CCDC30: variants seen among roughly 807,000 people sequenced by gnomAD.
CCDC30 encodes coiled-coil domain-containing protein 30.
In CCDC30, 70 loss-of-function variants were observed where a neutral mutation model predicts 100.2. The observed-to-expected ratio is 0.70, with a 90% confidence interval of 0.58 to 0.85. The LOEUF (loss-of-function observed/expected upper bound fraction) is 0.85, where lower values mean the gene tolerates loss of function less well. Ranked by LOEUF, CCDC30 falls within the 40% of genes least tolerant of loss-of-function variation. The pLI is 0.00. For missense variants in CCDC30, 652 were observed against 771.2 expected, an observed-to-expected ratio of 0.85 and a Z score of 1.83; for synonymous variants, 233 against 269.5, an observed-to-expected ratio of 0.86 and a Z score of 1.33.
chr1:42,479,566 T>TAAAA (rs34698340), intron 1 of CCDC30, among the ~76,000 whole-genome samples: 2 of 135,444 alleles, frequency 1.5e-5, no homozygotes, highest in African/African-American at 2.7e-5. Context: ...GACATATGCT[T>TAAAA]AAAAAAAAAA....
At chr1:42,494,387 A>C (rs57865411) in intron 4 of CCDC30, among the ~76,000 whole-genome samples, 1 of 152,222 alleles carries the variant, frequency 6.6e-6, no homozygotes, top group South Asian at 2.1e-4. Context: ...TGTTAGACCT[A>C]AAACCATAAA....
In CCDC30 at chr1:42,646,246, A is replaced by G. The variant is rs760407858; in HGVS notation, c.1783A>G (p.Asn595Asp). ...CAGCACTGAGGTCTTCACCAGCAAC[A>G]ATGCAGAACTCCAGCATGAGGATGA... Residue 595 changes from asparagine (N) to aspartate (D), a missense_variant, in exon 15 of 17, where the codon AAT becomes GAT. Asn to Asp is a conservative substitution (Grantham distance 23). Transcript: ENST00000668663. 12 of 1,553,536 alleles carry G rather than the reference A, an allele frequency of 7.7e-6. No individual in the cohort carries two copies. The South Asian group carries it at 1.4e-4, about 18-fold the overall frequency.
chr1:42,528,842 C>T (rs1569924716), intron 6 of CCDC30, among the ~76,000 whole-genome samples: 1 of 152,186 alleles, frequency 6.6e-6, no homozygotes, highest in Admixed American at 6.5e-5. Flanking sequence ...CCCTCTTTGA[C>T]AAATGTTATC....
intron 6 of CCDC30, among the ~76,000 whole-genome samples, chr1:42,538,683 A>G (rs910436478): frequency 1.3e-5 from 2 of 152,216 alleles, no homozygotes; most frequent in Non-Finnish European, 2.9e-5. Context: ...TCTCAGCTTT[A>G]TACTTCCTGG....
At chr1:42,566,228 C>A in intron 6 of CCDC30, 68 bp from the exon 11 acceptor site, 1 of 1,271,546 alleles carries the variant, frequency 7.9e-7, no homozygotes, top group Non-Finnish European at 1.1e-6. Context: ...GTTCTGACAA[C>A]TTGAACCCAT....
chr1:42,504,137 G>A (rs1483590909), intron 6 of CCDC30, among the ~76,000 whole-genome samples: 1 of 152,258 alleles, frequency 6.6e-6, no homozygotes, highest in Non-Finnish European at 1.5e-5. Flanking sequence ...ACTGCAGCAG[G>A]AGCATGTCCT....
chr1:42,503,892 C>T (rs1043316119), intron 6 of CCDC30, among the ~76,000 whole-genome samples: 11 of 152,156 alleles, frequency 7.2e-5, no homozygotes, highest in African/African-American at 2.7e-4. Flanking sequence ...GAGACCCTCA[C>T]CCAGTGGCGC....
At chr1:42,460,224 A>G (rs1643373651), upstream of CCDC30, 2 of 1,078,268 alleles carry the variant, frequency 1.9e-6, no homozygotes, top group Admixed American at 4.7e-5. Context: ...TATACTATAG[A>G]AAAAGGATTA....
At chr1:42,589,650 G>T in intron 10 of CCDC30, 167 bp downstream of exon 14, 1 of 560,874 alleles carries the variant, frequency 1.8e-6, no homozygotes, top group South Asian at 2.8e-5. Context: ...TTAACACAGG[G>T]AATAAGAGCT....
At chr1:42,506,130 G>A (rs1215689573) in intron 6 of CCDC30, among the ~76,000 whole-genome samples, 1 of 152,188 alleles carries the variant, frequency 6.6e-6, no homozygotes, top group Non-Finnish European at 1.5e-5. Flanking sequence ...AAAAGCTGTA[G>A]ATAGCTTAAA....
chr1:42,614,327 G>A (rs1330129784), intron 11 of CCDC30, among the ~76,000 whole-genome samples: 6 of 151,798 alleles, frequency 4.0e-5, no homozygotes, highest in South Asian at 2.1e-4. Flanking sequence ...TGATCCACCC[G>A]CCTCGGCCTC....
intron 11 of CCDC30, among the ~76,000 whole-genome samples, chr1:42,616,379 T>C (rs998178517): frequency 6.6e-6 from 1 of 152,230 alleles, no homozygotes; most frequent in Non-Finnish European, 1.5e-5. Flanking sequence ...ATCAATACTT[T>C]TCTAAAAGCA....
chr1:42,512,119 C>G (rs1644487630), intron 6 of CCDC30, among the ~76,000 whole-genome samples: 1 of 152,188 alleles, frequency 6.6e-6, no homozygotes, highest in Non-Finnish European at 1.5e-5. Flanking sequence ...TGAACATGTC[C>G]TCAAGGCACA....
chr1:42,554,602 T>C (rs1008791511), intron 6 of CCDC30, among the ~76,000 whole-genome samples: 8 of 152,148 alleles, frequency 5.3e-5, no homozygotes, highest in African/African-American at 1.2e-4. Context: ...TACTGCCAAA[T>C]TGATTTCTTG....
In CCDC30 at chr1:42,642,367, A is replaced by G. The variant is rs933178206; in HGVS notation, c.1420-106A>G. On this transcript the variant is annotated intron_variant, in intron 12 of 16. Transcript: ENST00000668663. ...AAACAGACTAGGGGACAGGAAAAAAAAAGTAAATAAGGGAAAATTTCTGCT... is the reference window on the plus strand; with the variant it reads ...AAACAGACTAGGGGACAGGAAAAAAGAAGTAAATAAGGGAAAATTTCTGCT... 7 of 1,043,522 alleles carry G rather than the reference A, an allele frequency of 6.7e-6. No individual in the cohort carries two copies. The Admixed American group carries it at 2.0e-4, about 30-fold the overall frequency. 64.6% of individuals were successfully genotyped at this position (1,043,522 alleles called of 1,614,324 possible).
intron 9 of CCDC30, among the ~76,000 whole-genome samples, chr1:42,583,254 T>A (rs1646003347): frequency 6.6e-6 from 1 of 152,194 alleles, no homozygotes; most frequent in Admixed American, 6.5e-5. Context: ...AGTTTCACCA[T>A]AAATTTGATG....
At chr1:42,634,249 CAA>C (rs754829759) in intron 11 of CCDC30, among the ~76,000 whole-genome samples, 23,007 of 113,382 alleles carry the variant, frequency 0.2, 1,787 homozygotes, top group East Asian at 0.31. Context: ...AAGACTGTCT[CAA>C]AAAAAAAAAA....
At position 42,536,465 on chromosome 1, in the gene CCDC30, G is replaced by A; in HGVS notation, c.457-29831G>A. 1 of 1,547,298 alleles carries A rather than the reference G, an allele frequency of 6.5e-7. No homozygotes were observed. Among genetic ancestry groups the A allele is most frequent in the Non-Finnish European group, 8.9e-7 (1 of 1,128,354 alleles). ...ATATATAAAATTAATTATGTAAAAT[G>A]CTTTTTACAGATCCTGAAAATGAGC... On this transcript the variant is annotated intron_variant, in intron 6 of 16. Transcript: ENST00000668663.
chr1:42,607,403 G>T (rs552079271), intron 10 of CCDC30, among the ~76,000 whole-genome samples: 1 of 152,036 alleles, frequency 6.6e-6, no homozygotes, highest in African/African-American at 2.4e-5. Flanking sequence ...GAGACAGCAG[G>T]TGAGTTCCCA....
Sources: allele counts gnomAD v4.1 joint callset (sites outside exome capture counted in the v4.1 genomes callset), GRCh38; gene constraint gnomAD v4.1.1; transcripts MANE v1.5; gene names NCBI Gene and HGNC (gene_info 2026-07-23, HGNC 2026-07-21).